Variants in BICDL1 observed in about 807,000 individuals in gnomAD.
The protein encoded by BICDL1 is BICD family-like cargo adapter 1.
Under a neutral mutation model 76.8 loss-of-function variants are expected in BICDL1, and 20 were observed. That is an observed-to-expected ratio of 0.26 (90% CI 0.18 to 0.38). The LOEUF (loss-of-function observed/expected upper bound fraction) is 0.38, where lower values mean the gene tolerates loss of function less well. Ranked by LOEUF, BICDL1 falls within the 10% of genes least tolerant of loss-of-function variation. BICDL1 has a pLI of 1.00. For synonymous variants in BICDL1, 383 were observed against 337.1 expected, an observed-to-expected ratio of 1.14 and a Z score of -1.49; for missense variants, 700 against 798.6, an observed-to-expected ratio of 0.88 and a Z score of 1.49.
At chr12:120,016,298 A>G (rs1952058596) in intron 2 of BICDL1, among the ~76,000 whole-genome samples, 1 of 152,168 alleles carries the variant, frequency 6.6e-6, no homozygotes, top group Non-Finnish European at 1.5e-5. Context: ...GTTAATGGAG[A>G]TTTGGATTGT....
rs189209440 is a variant in BICDL1 at position 120,006,791 on chromosome 12, C to G, written c.645+8055C>G. 8.9e-4 allele frequency among the ~76,000 whole-genome samples: 136 copies of G among 152,210 alleles called. 1 individual carries two copies. The highest frequency in any genetic ancestry group is 3.0e-3 in the African/African-American group (124 of 41,520). On this transcript the variant is annotated intron_variant, in intron 2 of 9. Coordinates refer to ENST00000548673, the MANE Select transcript of BICDL1 (RefSeq NM_001367886.1). ...AGCAGCCAGATCTCATAGGGCCTTG[C>G]TAGCTACCAGGGGTTTTAGTCAGTG...
intron 9 of BICDL1, chr12:120,092,410 A>AGAT: frequency 1.0e-6 from 1 of 985,470 alleles, no homozygotes; most frequent in Non-Finnish European, 1.2e-6. Flanking sequence ...CCTCTGCCGC[A>AGAT]GATGGGAGCC....
rs984559494 is a variant in BICDL1, at chr12:120,088,393, A to G, written c.1584-1558A>G. Reference sequence around the variant, plus strand: ...TTTTTTTGAGACGGAGTCTTGCTCTATTGCCCAGGCTGGAGTGCAGTGGCA... The same window carrying G: ...TTTTTTTGAGACGGAGTCTTGCTCTGTTGCCCAGGCTGGAGTGCAGTGGCA... On this transcript the variant is annotated intron_variant, in intron 8 of 9. Coordinates refer to ENST00000548673, the MANE Select transcript of BICDL1 (RefSeq NM_001367886.1). 9.5e-5 allele frequency among the ~76,000 whole-genome samples: 14 copies of G among 147,096 alleles called. No individual in the cohort carries two copies. The East Asian group carries it at 1.5e-3, about 15-fold the overall frequency.
chr12:119,995,750 G>T (rs1202692152), intron 1 of BICDL1, among the ~76,000 whole-genome samples: 1 of 152,166 alleles, frequency 6.6e-6, no homozygotes, highest in Non-Finnish European at 1.5e-5. Flanking sequence ...ACTTTGGGAG[G>T]CCGAGGCAAG....
intron 2 of BICDL1, among the ~76,000 whole-genome samples, chr12:120,009,618 C>T (rs1018649456): frequency 4.6e-5 from 7 of 152,080 alleles, no homozygotes; most frequent in African/African-American, 1.7e-4. Context: ...GCTGCCCTTG[C>T]CTGATGTGAG....
intron 2 of BICDL1, among the ~76,000 whole-genome samples, chr12:120,048,953 A>G (rs76899296): frequency 0.023 from 3,533 of 152,286 alleles, 147 homozygotes; most frequent in African/African-American, 0.081. Context: ...CAGCCTTGAA[A>G]GATCCTTCAT....
chr12:119,990,394 G>C (rs1168389794), intron 1 of BICDL1, 97 bp downstream of exon 1: 3 of 1,502,668 alleles, frequency 2.0e-6, no homozygotes, highest in Admixed American at 2.6e-5. Flanking sequence ...CCACTTCGTT[G>C]CTCACCCTAC....
At chr12:120,026,554 T>C (rs1188929164) in intron 2 of BICDL1, among the ~76,000 whole-genome samples, 3 of 152,148 alleles carry the variant, frequency 2.0e-5, no homozygotes, top group Non-Finnish European at 4.4e-5. Flanking sequence ...AGCTAATCAC[T>C]CTTGAGGGAA....
chr12:120,060,487 CA>C (rs1953080856), intron 2 of BICDL1, among the ~76,000 whole-genome samples: 1 of 152,098 alleles, frequency 6.6e-6, no homozygotes, highest in African/African-American at 2.4e-5. Context: ...AGTTGTATAT[CA>C]GAATCTTACT....
At chr12:120,031,341 T>C (rs1170245208) in intron 2 of BICDL1, among the ~76,000 whole-genome samples, 1 of 151,898 alleles carries the variant, frequency 6.6e-6, no homozygotes, top group African/African-American at 2.4e-5. Context: ...GTAGCTGGGA[T>C]GACAGGTGCC....
intron 7 of BICDL1, among the ~76,000 whole-genome samples, chr12:120,078,869 C>T (rs1873763568): frequency 6.6e-6 from 1 of 152,384 alleles, no homozygotes; most frequent in African/African-American, 2.4e-5. Flanking sequence ...TGGTCCAAGG[C>T]CATGGCAGGG....
At chr12:120,064,972 T>A in intron 4 of BICDL1, 93 bp downstream of exon 4, 1 of 1,401,608 alleles carries the variant, frequency 7.1e-7, no homozygotes, top group African/African-American at 1.5e-5. Context: ...GCATCACTGC[T>A]GGGGTAAGCT....
chr12:120,089,859 TTCC>T, intron 8 of BICDL1, 89 bp from the exon 9 acceptor site: 1 of 1,490,422 alleles, frequency 6.7e-7, no homozygotes, highest in Non-Finnish European at 9.1e-7. Flanking sequence ...CAGAGCCTGT[TTCC>T]TCATCCTGGG....
At chr12:120,037,410 T>A (rs1182783207) in intron 2 of BICDL1, among the ~76,000 whole-genome samples, 1 of 152,186 alleles carries the variant, frequency 6.6e-6, no homozygotes, top group East Asian at 1.9e-4. Flanking sequence ...TATTCATTTC[T>A]GTCTTTTTAA....
chr12:120,007,665 A>G (rs1246595556), intron 2 of BICDL1, among the ~76,000 whole-genome samples: 1 of 152,250 alleles, frequency 6.6e-6, no homozygotes, highest in Non-Finnish European at 1.5e-5. Flanking sequence ...CTCTGAAAAG[A>G]CTAATTTTCC....
At chr12:120,038,153 C>T (rs1157420363) in intron 2 of BICDL1, among the ~76,000 whole-genome samples, 2 of 152,176 alleles carry the variant, frequency 1.3e-5, no homozygotes, top group African/African-American at 4.8e-5. Context: ...TGATCCCTGT[C>T]CCAATACTTA....
intron 2 of BICDL1, among the ~76,000 whole-genome samples, chr12:120,021,459 C>T (rs373961740): frequency 1.3e-4 from 19 of 148,120 alleles, no homozygotes; most frequent in Non-Finnish European, 2.7e-4. Flanking sequence ...TGGTGGCACG[C>T]GCCTGTAGTC....
Position 119,998,661 on chromosome 12 carries a change from A to G in BICDL1, c.570A>G (p.Glu190=). The part of the protein sequence containing the change: ...ELERQQIHLR[E]ADREKSRAVQ... The stretch of plus-strand genomic sequence containing the variant: ...AGAGGCAGCAGATTCATCTGCGGGA[A>G]GCAGATCGAGAAAAATCACGGGCTG... Residue 190 remains glutamate (E), a synonymous_variant, in exon 2 of 10, where the codon GAA becomes GAG. Coordinates refer to ENST00000548673, the MANE Select transcript of BICDL1 (RefSeq NM_001367886.1). The G allele has an allele frequency of 6.2e-6, 10 of 1,614,218 alleles. No individual in the cohort carries two copies. The highest frequency in any genetic ancestry group is 8.5e-6 in the Non-Finnish European group (10 of 1,180,032).
intron 2 of BICDL1, among the ~76,000 whole-genome samples, chr12:120,016,805 TC>T (rs1300606047): frequency 6.6e-6 from 1 of 151,830 alleles, no homozygotes; most frequent in African/African-American, 2.4e-5. Context: ...GCGTGAGAGT[TC>T]CAGTTTCTCC....
Sources: allele counts gnomAD v4.1 joint callset (sites outside exome capture counted in the v4.1 genomes callset), GRCh38; gene constraint gnomAD v4.1.1; transcripts MANE v1.5; gene names NCBI Gene and HGNC (gene_info 2026-07-23, HGNC 2026-07-21).